Variants in VANGL1 observed in about 807,000 individuals in gnomAD.
VANGL1 encodes VANGL planar cell polarity protein 1.
A neutral mutation model predicts 48.4 loss-of-function variants in VANGL1; 18 were observed. The observed-to-expected ratio is 0.37, with a 90% CI of 0.26 to 0.55. The LOEUF (loss-of-function observed/expected upper bound fraction) is 0.55. VANGL1 is among the 20% of genes least tolerant of loss of function. The probability of loss-of-function intolerance (pLI) is 0.81; values close to 1 mark genes in which losing one functional copy is unlikely to be tolerated. For missense variants in VANGL1, 667 were observed against 675.8 expected (o/e 0.99, Z 0.14); for synonymous variants, 257 against 261.8 (o/e 0.98, Z 0.18).
At chr1:115,682,974 C>G (rs1030993428) in intron 5 of VANGL1, among the ~76,000 whole-genome samples, 2 of 152,184 alleles carry the variant, frequency 1.3e-5, no homozygotes, top group Non-Finnish European at 2.9e-5. Context: ...TAAGTCCAAG[C>G]TATGTTTCAG....
intron 1 of VANGL1, among the ~76,000 whole-genome samples, chr1:115,644,288 G>A (rs752497666): frequency 2.0e-5 from 3 of 152,092 alleles, no homozygotes; most frequent in Non-Finnish European, 2.9e-5. Context: ...CTTGTTATGC[G>A]GATTAAGTGA....
intron 3 of VANGL1, among the ~76,000 whole-genome samples, chr1:115,662,636 C>A (rs1652603204): frequency 6.6e-6 from 1 of 152,136 alleles, no homozygotes; most frequent in South Asian, 2.1e-4. Context: ...ATGTTTAGTT[C>A]CTCGTGAAAA....
chr1:115,659,629 G>T lies in VANGL1; in HGVS notation c.72-12G>T. ...CATGGCATAAATGTGCTAGCTCATT[G>T]TTGTTTTTCAGGGAAAGAACTAGAG... On this transcript the variant is annotated splice_polypyrimidine_tract_variant and intron_variant, in intron 2 of 7. Transcript: ENST00000355485. The T allele has an allele frequency of 6.2e-7, 1 of 1,613,634 alleles. No individual in the cohort carries two copies. Among genetic ancestry groups the T allele is most frequent in the Non-Finnish European group, 8.5e-7 (1 of 1,179,848 alleles).
intron 4 of VANGL1, among the ~76,000 whole-genome samples, chr1:115,679,195 C>T (rs1174603474): frequency 6.6e-6 from 1 of 152,214 alleles, no homozygotes; most frequent in Non-Finnish European, 1.5e-5. Flanking sequence ...GCTTCTCAGC[C>T]TGTGGGGCTG....
chr1:115,671,768 G>A (rs1652985386), intron 4 of VANGL1, among the ~76,000 whole-genome samples: 1 of 152,200 alleles, frequency 6.6e-6, no homozygotes, highest in Non-Finnish European at 1.5e-5. Flanking sequence ...TGCTCCCCAG[G>A]CAGACTGTGG....
chr1:115,651,843 G>A (rs1421739664), intron 2 of VANGL1, among the ~76,000 whole-genome samples: 3 of 151,536 alleles, frequency 2.0e-5, no homozygotes, highest in African/African-American at 7.3e-5. Flanking sequence ...TGCAAGCTCC[G>A]CCTTGTGGGT....
rs145116881 is a variant in VANGL1 at position 115,659,212 on chromosome 1, AT to A, written c.72-422del. ...TTGGATATTCTACAAAAAAATAGAT[AT>A]TTTTTTGTAGAAAAAAGCTTATTCT... On this transcript the variant is annotated intron_variant, in intron 2 of 7. Transcript: ENST00000355485. Among the ~76,000 whole-genome samples the A allele has an allele frequency of 9.4e-3, 1,424 of 152,150 alleles. 22 individuals are homozygous for A. The highest frequency in any genetic ancestry group is 0.033 in the African/African-American group (1,355 of 41,506).
chr1:115,680,046 A>G (rs1445000223), intron 4 of VANGL1, among the ~76,000 whole-genome samples: 1 of 144,490 alleles, frequency 6.9e-6, no homozygotes, highest in African/African-American at 2.6e-5. Flanking sequence ...AGAGAGAGAG[A>G]TCAGGGAGAG....
At chr1:115,686,327 G>A (rs1018288938) in intron 7 of VANGL1, among the ~76,000 whole-genome samples, 7 of 132,748 alleles carry the variant, frequency 5.3e-5, no homozygotes, top group Admixed American at 4.4e-4. Context: ...AGCCAAGATC[G>A]CACCACTGCA....
chr1:115,685,627 G>A, intron 7 of VANGL1, 100 bp downstream of exon 7: 1 of 1,212,414 alleles, frequency 8.2e-7, no homozygotes, highest in Non-Finnish European at 1.2e-6. Context: ...AAAATCGAAA[G>A]GCATCTCTAA....
At chr1:115,681,622 T>G (rs1214455080) in intron 4 of VANGL1, among the ~76,000 whole-genome samples, 1 of 151,922 alleles carries the variant, frequency 6.6e-6, no homozygotes, top group East Asian at 1.9e-4. Context: ...TTCTCCCGTT[T>G]CAGCCTCCCG....
intron 5 of VANGL1, among the ~76,000 whole-genome samples, chr1:115,683,290 C>T (rs1005108903): frequency 7.9e-5 from 12 of 152,114 alleles, no homozygotes; most frequent in Admixed American, 2.0e-4. Flanking sequence ...GTAGATCATC[C>T]GTAAGAAAGC....
intron 7 of VANGL1, 81 bp downstream of exon 7, chr1:115,685,608 A>T: frequency 7.1e-7 from 1 of 1,408,950 alleles, no homozygotes; most frequent in Non-Finnish European, 9.9e-7. Flanking sequence ...GCGTGTTACT[A>T]GAAGTGATAA....
chr1:115,690,700 G>C (rs774663563), intron 7 of VANGL1, among the ~76,000 whole-genome samples: 24 of 152,236 alleles, frequency 1.6e-4, no homozygotes, highest in Non-Finnish European at 2.5e-4. Context: ...TTTCCTGACT[G>C]CTCCTTTGGG....
intron 4 of VANGL1, among the ~76,000 whole-genome samples, chr1:115,672,432 G>C (rs1570759169): frequency 6.6e-6 from 1 of 152,154 alleles, no homozygotes; most frequent in Non-Finnish European, 1.5e-5. Flanking sequence ...AGTGAATCCA[G>C]GTGGCCCGAG....
intron 1 of VANGL1, among the ~76,000 whole-genome samples, chr1:115,644,434 T>C (rs539996756): frequency 1.8e-4 from 28 of 152,352 alleles, no homozygotes; most frequent in Non-Finnish European, 3.5e-4. Context: ...GGCATGTGAT[T>C]TGGGCATCAT....
rs750484436 is a variant in VANGL1, at chr1:115,651,496, G to A, written c.71+12G>A. 1.2e-6 allele frequency: 2 copies of A among 1,612,134 alleles called. No homozygotes were observed. The highest frequency in any genetic ancestry group is 8.5e-7 in the Non-Finnish European group (1 of 1,178,344). ...TCTCACAGACAAGGGTATGTAAGTTGTTCATTATTACACTTTTCCTTTTGG... is the reference window on the plus strand; with the variant it reads ...TCTCACAGACAAGGGTATGTAAGTTATTCATTATTACACTTTTCCTTTTGG... On this transcript the variant is annotated intron_variant, in intron 2 of 7. Transcript: ENST00000355485.
intron 1 of VANGL1, among the ~76,000 whole-genome samples, chr1:115,648,336 A>C (rs941734546): frequency 6.6e-6 from 1 of 152,048 alleles, no homozygotes; most frequent in East Asian, 1.9e-4. Flanking sequence ...TTGTGGATGG[A>C]GATTTGGACT....
At chr1:115,645,990 T>A (rs1651897599) in intron 1 of VANGL1, among the ~76,000 whole-genome samples, 1 of 151,928 alleles carries the variant, frequency 6.6e-6, no homozygotes, top group African/African-American at 2.4e-5. Context: ...ATAATTTCCT[T>A]TTTGCGAAGG....
Sources: allele counts gnomAD v4.1 joint callset (sites outside exome capture counted in the v4.1 genomes callset), GRCh38; gene constraint gnomAD v4.1.1; transcripts MANE v1.5; gene names NCBI Gene and HGNC (gene_info 2026-07-23, HGNC 2026-07-21).